Variants in NAALADL2 observed in about 807,000 individuals in gnomAD.
NAALADL2 encodes inactive N-acetylated-alpha-linked acidic dipeptidase-like protein 2.
NAALADL2 carries 76 observed loss-of-function variants against 87.2 expected under a neutral mutation model. The observed-to-expected ratio is 0.87, with a 90% CI of 0.72 to 1.05. NAALADL2 has a LOEUF of 1.05. Among genes scored for constraint, NAALADL2 ranks in the 50% least tolerant of loss-of-function variants. The pLI, the probability that NAALADL2 is intolerant of heterozygous loss-of-function variation, is 0.00. For missense variants in NAALADL2, 1,089 were observed against 945.8 expected, an observed-to-expected ratio of 1.15 and a Z score of -1.99; for synonymous variants, 354 against 331.0, an observed-to-expected ratio of 1.07 and a Z score of -0.75.
chr3:175,476,683 TGAGGGCGAC>T, intron 9 of NAALADL2, among the ~76,000 whole-genome samples: 1 of 152,262 alleles, frequency 6.6e-6, no homozygotes, highest in African/African-American at 2.4e-5. Context: ...TCTTCTTGTG[TGAGGGCGAC>T]TAAAATGCCA....
intron 9 of NAALADL2, among the ~76,000 whole-genome samples, chr3:175,473,375 T>C (rs1199931095): frequency 2.3e-5 from 3 of 132,506 alleles, no homozygotes; most frequent in Non-Finnish European, 4.9e-5. Context: ...AAAAATGAAC[T>C]GGAATGTGTA....
At chr3:174,912,159 GA>G (rs889464004) in intron 1 of NAALADL2, among the ~76,000 whole-genome samples, 1 of 151,800 alleles carries the variant, frequency 6.6e-6, no homozygotes, top group Admixed American at 6.6e-5. Context: ...TTCCATAAAA[GA>G]AAAAAAGAAA....
intron 2 of NAALADL2, among the ~76,000 whole-genome samples, chr3:174,660,509 G>A (rs1560125147): frequency 6.6e-6 from 1 of 152,068 alleles, no homozygotes; most frequent in Non-Finnish European, 1.5e-5. Context: ...TTTGTAGGTT[G>A]ATTTTGAACC....
intron 1 of NAALADL2, among the ~76,000 whole-genome samples, chr3:174,876,783 G>A (rs1172381810): frequency 6.6e-6 from 1 of 152,114 alleles, no homozygotes; most frequent in African/African-American, 2.4e-5. Flanking sequence ...GGAATTTGTG[G>A]CAGGGATATT....
At chr3:175,319,183 C>A (rs997212123) in intron 4 of NAALADL2, among the ~76,000 whole-genome samples, 2 of 152,202 alleles carry the variant, frequency 1.3e-5, no homozygotes, top group Admixed American at 1.3e-4. Context: ...CCCATTTCTC[C>A]TTAAATTCTT....
intron 4 of NAALADL2, among the ~76,000 whole-genome samples, chr3:175,302,989 A>G (rs995639622): frequency 1.3e-5 from 2 of 152,158 alleles, no homozygotes; most frequent in East Asian, 3.8e-4. Context: ...ATTTGAAGCA[A>G]TAAACATTGA....
At chr3:175,196,400 T>C (rs535424748) in intron 2 of NAALADL2, among the ~76,000 whole-genome samples, 257 of 152,044 alleles carry the variant, frequency 1.7e-3, no homozygotes, top group African/African-American at 5.9e-3. Context: ...TTTAGGAAGA[T>C]ATCCTTTCTC....
At chr3:175,166,567 A>ATTT (rs35994437) in intron 2 of NAALADL2, among the ~76,000 whole-genome samples, 3 of 149,304 alleles carry the variant, frequency 2.0e-5, no homozygotes, top group Non-Finnish European at 3.0e-5. Flanking sequence ...AACACCACAC[A>ATTT]TTTTTTTTTT....
At chr3:175,693,700 T>A (rs1737351602) in intron 11 of NAALADL2, among the ~76,000 whole-genome samples, 1 of 152,026 alleles carries the variant, frequency 6.6e-6, no homozygotes, top group Admixed American at 6.6e-5. Flanking sequence ...GTTTGTTGGG[T>A]TGGTTGGTTT....
chr3:175,594,278 T>C (rs943291801), intron 10 of NAALADL2, among the ~76,000 whole-genome samples: 2 of 152,150 alleles, frequency 1.3e-5, no homozygotes, highest in Non-Finnish European at 2.9e-5. Flanking sequence ...CATTAATTCA[T>C]TTAGAATGAT....
chr3:175,240,310 C>T (rs1746615333), intron 3 of NAALADL2, among the ~76,000 whole-genome samples: 1 of 152,178 alleles, frequency 6.6e-6, no homozygotes, highest in South Asian at 2.1e-4. Context: ...GAAATCTGAG[C>T]ACTGTATCAA....
At chr3:175,457,971 A>G (rs868384678) in intron 6 of NAALADL2, among the ~76,000 whole-genome samples, 2 of 152,126 alleles carry the variant, frequency 1.3e-5, no homozygotes, top group African/African-American at 2.4e-5. Flanking sequence ...TCAATAGGTT[A>G]TAAACCAGTA....
At chr3:174,920,924 G>A (rs1040263833) in intron 1 of NAALADL2, among the ~76,000 whole-genome samples, 17 of 152,140 alleles carry the variant, frequency 1.1e-4, no homozygotes, top group Admixed American at 5.9e-4. Context: ...ACAGAAGAGC[G>A]GCTGATTGGT....
intron 9 of NAALADL2, among the ~76,000 whole-genome samples, chr3:175,481,038 T>C (rs985739510): frequency 1.3e-5 from 2 of 151,872 alleles, no homozygotes; most frequent in Admixed American, 1.3e-4. Flanking sequence ...GATTATGTCG[T>C]TACCTAAAGG....
At chr3:175,342,213 CAG>C (rs1390588074) in intron 5 of NAALADL2, among the ~76,000 whole-genome samples, 3 of 151,760 alleles carry the variant, frequency 2.0e-5, no homozygotes, top group African/African-American at 4.8e-5. Flanking sequence ...AAAGAAGTGT[CAG>C]AAAAAAATAT....
intron 2 of NAALADL2, among the ~76,000 whole-genome samples, chr3:175,164,157 C>A (rs181533982): frequency 1.8e-3 from 266 of 150,460 alleles, no homozygotes; most frequent in Admixed American, 5.2e-3. Context: ...GTTTTTTTGA[C>A]AAAATAAATG....
At chr3:175,712,027 T>G (rs1473866677) in intron 11 of NAALADL2, among the ~76,000 whole-genome samples, 1 of 151,954 alleles carries the variant, frequency 6.6e-6, no homozygotes, top group East Asian at 1.9e-4. Flanking sequence ...GAGAAGCATA[T>G]GATATGATCT....
At chr3:174,975,187 G>A (rs1376834794) in intron 1 of NAALADL2, among the ~76,000 whole-genome samples, 1 of 152,092 alleles carries the variant, frequency 6.6e-6, no homozygotes, top group South Asian at 2.1e-4. Flanking sequence ...TCTTCCCTGA[G>A]TGACTTAACA....
At chr3:175,181,061 T>C (rs1365162792) in intron 2 of NAALADL2, among the ~76,000 whole-genome samples, 4 of 152,024 alleles carry the variant, frequency 2.6e-5, no homozygotes, top group African/African-American at 4.8e-5. Flanking sequence ...GTTTCATACC[T>C]ATGACATTTA....
Sources: gnomAD v4.1 joint callset for allele counts (sites outside exome capture counted in the v4.1 genomes callset) on GRCh38, gnomAD v4.1.1 for gene constraint, MANE v1.5 for transcripts, NCBI Gene and HGNC (gene_info 2026-07-23, HGNC 2026-07-21) for gene names.